LRMDA: variants seen among roughly 807,000 people sequenced by gnomAD.
The protein encoded by LRMDA is leucine-rich melanocyte differentiation-associated protein.
A neutral mutation model predicts 29.8 loss-of-function variants in LRMDA; 18 were observed. The ratio of observed to expected loss-of-function variants is 0.60; its 90% CI spans 0.42 to 0.90. The LOEUF (loss-of-function observed/expected upper bound fraction) is 0.90, where lower values mean the gene tolerates loss of function less well. Ranked by LOEUF, LRMDA falls within the 40% of genes least tolerant of loss-of-function variation. The probability of loss-of-function intolerance (pLI) is 0.00; values close to 1 mark genes in which losing one functional copy is unlikely to be tolerated. For missense variants in LRMDA, 273 were observed against 273.9 expected (o/e 1.00, Z 0.02); for synonymous variants, 125 against 109.4 (o/e 1.14, Z -0.89).
rs79436475 is a variant in LRMDA, at chr10:76,269,660, T to C, written c.517-54741T>C. On this transcript the variant is annotated intron_variant, in intron 5 of 6. Coordinates refer to ENST00000611255, the MANE Select transcript of LRMDA (RefSeq NM_001305581.2). ...CTGGTCCCTGATACTTTTCACGATA[T>C]ATGGTACATTTAATAATAGCAGTAA... 3.2e-3 allele frequency among the ~76,000 whole-genome samples: 490 copies of C among 152,314 alleles called. 23 individuals are homozygous for C. The East Asian group carries it at 0.076, about 24-fold the overall frequency.
intron 2 of LRMDA, chr10:75,782,642 A>G (rs1843403169): frequency 4.5e-6 from 4 of 887,356 alleles, no homozygotes; most frequent in Non-Finnish European, 5.6e-6. Flanking sequence ...GCATGTTCTG[A>G]GCTTCTTTTG....
chr10:75,753,154 T>G (rs1478573588), intron 2 of LRMDA, among the ~76,000 whole-genome samples: 13 of 152,186 alleles, frequency 8.5e-5, no homozygotes, highest in Admixed American at 8.5e-4. Context: ...CTGTTCATTT[T>G]TAAAGCCCTA....
At chr10:76,396,940 C>T (rs1841791230) in intron 6 of LRMDA, among the ~76,000 whole-genome samples, 1 of 152,164 alleles carries the variant, frequency 6.6e-6, no homozygotes, top group Non-Finnish European at 1.5e-5. Context: ...TTGAAACAGC[C>T]TCTGCCACGC....
intron 2 of LRMDA, among the ~76,000 whole-genome samples, chr10:75,517,361 C>T (rs564808006): frequency 6.6e-6 from 1 of 152,042 alleles, no homozygotes; most frequent in Non-Finnish European, 1.5e-5. Flanking sequence ...TTGTTTGTGT[C>T]CTCTTTTATT....
At chr10:76,155,104 C>A (rs1044962959) in intron 5 of LRMDA, among the ~76,000 whole-genome samples, 1 of 152,100 alleles carries the variant, frequency 6.6e-6, no homozygotes, top group Admixed American at 6.6e-5. Flanking sequence ...TTTTGGAGAA[C>A]AACCAGCAGT....
chr10:75,764,620 T>C (rs1471036001), intron 2 of LRMDA, among the ~76,000 whole-genome samples: 1 of 152,142 alleles, frequency 6.6e-6, no homozygotes, highest in Non-Finnish European at 1.5e-5. Context: ...TGATGTGTCA[T>C]ATATCAAAGG....
chr10:75,957,979 T>C (rs1462127475), intron 2 of LRMDA, among the ~76,000 whole-genome samples: 1 of 152,184 alleles, frequency 6.6e-6, no homozygotes, highest in Non-Finnish European at 1.5e-5. Flanking sequence ...GAACCCGTCA[T>C]GAGCCAGAGC....
intron 6 of LRMDA, among the ~76,000 whole-genome samples, chr10:76,547,235 A>G (rs911788319): frequency 6.6e-6 from 1 of 152,108 alleles, no homozygotes; most frequent in African/African-American, 2.4e-5. Flanking sequence ...GCTTCTTTAC[A>G]TTTGTGGAGG....
chr10:76,355,853 A>T (rs1841233471), intron 6 of LRMDA, among the ~76,000 whole-genome samples: 1 of 152,180 alleles, frequency 6.6e-6, no homozygotes. Context: ...GAAAAGCCTG[A>T]ACCTGGCCCA....
At chr10:75,493,932 T>C (rs1360480505) in intron 2 of LRMDA, among the ~76,000 whole-genome samples, 1 of 152,092 alleles carries the variant, frequency 6.6e-6, no homozygotes, top group African/African-American at 2.4e-5. Context: ...TTATTATTAT[T>C]TTTTAGAGAC....
intron 2 of LRMDA, among the ~76,000 whole-genome samples, chr10:75,523,125 A>T (rs1156380194): frequency 6.6e-6 from 1 of 152,224 alleles, no homozygotes; most frequent in African/African-American, 2.4e-5. Flanking sequence ...TCATGAAGGT[A>T]TTGGAAAGCA....
chr10:75,734,576 CAT>C (rs1489572556), intron 2 of LRMDA, among the ~76,000 whole-genome samples: 14 of 152,302 alleles, frequency 9.2e-5, no homozygotes, highest in Admixed American at 9.2e-4. Flanking sequence ...AAAATAAATA[CAT>C]GAGTTACCAT....
rs1003730740 is a variant in LRMDA, at chr10:75,599,913, G to A, written c.131+161419G>A. ...AGAAATGAGTGGTGACAAGAGTCAG[G>A]ACTTGCACTGCAAGCCCTTCCTGGT... On this transcript the variant is annotated intron_variant, in intron 2 of 6. Transcript: ENST00000611255. Among the ~76,000 whole-genome samples the A allele has an allele frequency of 8.5e-5, 13 of 152,180 alleles. 1 individual carries two copies. Among genetic ancestry groups the A allele is most frequent in the African/African-American group, 3.1e-4 (13 of 41,438 alleles).
intron 6 of LRMDA, among the ~76,000 whole-genome samples, chr10:76,490,341 C>G (rs545842904): frequency 8.6e-5 from 13 of 151,724 alleles, no homozygotes; most frequent in Non-Finnish European, 1.6e-4. Context: ...ATTTTTTTGG[C>G]TGGAAGATCT....
chr10:75,661,002 C>T (rs908495535), intron 2 of LRMDA, among the ~76,000 whole-genome samples: 2 of 152,158 alleles, frequency 1.3e-5, no homozygotes, highest in Admixed American at 6.5e-5. Flanking sequence ...TCAACGCCAG[C>T]GGGACAGAGC....
At chr10:76,209,445 T>C (rs1851596858) in intron 5 of LRMDA, among the ~76,000 whole-genome samples, 1 of 152,042 alleles carries the variant, frequency 6.6e-6, no homozygotes, top group African/African-American at 2.4e-5. Context: ...CTGTTGGGGG[T>C]GTTTTCTTCT....
intron 2 of LRMDA, among the ~76,000 whole-genome samples, chr10:75,701,758 A>T (rs1589163709): frequency 6.6e-6 from 1 of 152,256 alleles, no homozygotes; most frequent in East Asian, 1.9e-4. Flanking sequence ...GTGCAGTGGT[A>T]ATGATGGAGT....
At chr10:75,766,471 G>A (rs1843169517) in intron 2 of LRMDA, among the ~76,000 whole-genome samples, 2 of 152,190 alleles carry the variant, frequency 1.3e-5, no homozygotes, top group South Asian at 4.1e-4. Context: ...CTTATGCATA[G>A]GAATGGCTTT....
intron 2 of LRMDA, among the ~76,000 whole-genome samples, chr10:75,698,094 A>G (rs1842261058): frequency 6.6e-6 from 1 of 152,246 alleles, no homozygotes; most frequent in Admixed American, 6.5e-5. Flanking sequence ...TAGCTGGGAA[A>G]TGATGGAACC....
Sources: allele counts gnomAD v4.1 joint callset (sites outside exome capture counted in the v4.1 genomes callset), GRCh38; gene constraint gnomAD v4.1.1; transcripts MANE v1.5; gene names NCBI Gene and HGNC (gene_info 2026-07-23, HGNC 2026-07-21).